TYW1: variants seen among roughly 807,000 people sequenced by gnomAD.
The protein encoded by TYW1 is S-adenosyl-L-methionine-dependent tRNA 4-demethylwyosine synthase TYW1.
TYW1 carries 46 observed loss-of-function variants against 96.2 expected under a neutral mutation model. The ratio of observed to expected loss-of-function variants is 0.48; its 90% confidence interval spans 0.38 to 0.61. The LOEUF is 0.61. Ranked by LOEUF, TYW1 falls within the 20% of genes least tolerant of loss-of-function variation. TYW1 has a pLI of 0.00. For synonymous variants in TYW1, 274 were observed against 323.0 expected, an observed-to-expected ratio of 0.85 and a Z score of 1.63; for missense variants, 684 against 909.6, an observed-to-expected ratio of 0.75 and a Z score of 3.19.
chr7:67,120,960 C>T lies in TYW1; in HGVS notation c.1698+3342C>T, dbSNP rs149548346. Among the ~76,000 whole-genome samples the T allele has an allele frequency of 9.8e-4, 149 of 152,362 alleles. No individual in the cohort carries two copies. The East Asian group carries it at 0.026, about 27-fold the overall frequency. Reference sequence around the variant, plus strand: ...GGAATGTTTCTTTGGGCAATTTAAACTGCCCACACATTAGGGCAATGACTT... The same window carrying T: ...GGAATGTTTCTTTGGGCAATTTAAATTGCCCACACATTAGGGCAATGACTT... On this transcript the variant is annotated intron_variant, in intron 13 of 15. Coordinates refer to ENST00000359626, the MANE Select transcript of TYW1 (RefSeq NM_018264.4).
chr7:67,044,801 G>A (rs536437195), intron 7 of TYW1, among the ~76,000 whole-genome samples: 1 of 151,962 alleles, frequency 6.6e-6, no homozygotes, highest in South Asian at 2.1e-4. Flanking sequence ...TGTATTTTTA[G>A]TAGAGATGGG....
At chr7:67,081,220 CTT>C (rs59852863) in intron 10 of TYW1, among the ~76,000 whole-genome samples, 31 of 120,174 alleles carry the variant, frequency 2.6e-4, no homozygotes, top group Non-Finnish European at 3.7e-4. Flanking sequence ...GCTTGGTGGT[CTT>C]TTTTTTTTTT....
intron 13 of TYW1, among the ~76,000 whole-genome samples, chr7:67,140,517 A>T (rs1350391314): frequency 6.6e-6 from 1 of 152,214 alleles, no homozygotes; most frequent in African/African-American, 2.4e-5. Flanking sequence ...CAATCATTAA[A>T]TAAAGACCTA....
intron 13 of TYW1, among the ~76,000 whole-genome samples, chr7:67,131,846 A>T (rs1288116376): frequency 1.9e-4 from 29 of 152,170 alleles, no homozygotes; most frequent in Admixed American, 4.6e-4. Context: ...AAGCTGAAGA[A>T]CTTGGAGTTT....
At chr7:67,164,707 T>C (rs1799267563) in intron 13 of TYW1, among the ~76,000 whole-genome samples, 1 of 152,050 alleles carries the variant, frequency 6.6e-6, no homozygotes, top group South Asian at 2.1e-4. Flanking sequence ...TCCCTCTCTT[T>C]CTGAGAGTCA....
chr7:67,102,338 T>C (rs1253243241), intron 12 of TYW1, among the ~76,000 whole-genome samples: 1 of 152,216 alleles, frequency 6.6e-6, no homozygotes, highest in Non-Finnish European at 1.5e-5. Context: ...CCTCTCTTGC[T>C]GGTGAGTCTT....
chr7:67,143,559 CAG>C (rs1798514913), intron 13 of TYW1, among the ~76,000 whole-genome samples: 1 of 152,138 alleles, frequency 6.6e-6, no homozygotes, highest in South Asian at 2.1e-4. Context: ...CGGAAGCAGG[CAG>C]AGTTTGGCGA....
intron 13 of TYW1, among the ~76,000 whole-genome samples, chr7:67,149,722 ATATCTATCTATCTATCTATCTATC>A (rs59266321): frequency 6.4e-5 from 9 of 140,236 alleles, no homozygotes; most frequent in East Asian, 6.3e-4. Context: ...AGGAAAAAAA[ATATCTATCTATCTATCTATCTATC>A]TATCTATCTA....
chr7:67,159,799 A>ATTTTATTTTATTTTATTTTAT (rs141173601), intron 13 of TYW1, among the ~76,000 whole-genome samples: 9 of 71,374 alleles, frequency 1.3e-4, no homozygotes, highest in East Asian at 5.6e-4. Flanking sequence ...ATTTTATTTT[A>ATTTTATTTTATTTTATTTTAT]TTTATTTATT....
chr7:67,093,612 G>A (rs2690197), intron 11 of TYW1, among the ~76,000 whole-genome samples: 47,598 of 151,788 alleles, frequency 0.31, 7,957 homozygotes, highest in African/African-American at 0.43. Context: ...TCTTGGCAAC[G>A]TAGAATGAGC....
chr7:67,045,251 C>A (rs1471154582), intron 7 of TYW1, among the ~76,000 whole-genome samples: 2 of 151,796 alleles, frequency 1.3e-5, no homozygotes, highest in Admixed American at 6.6e-5. Context: ...TGCTTTGTAA[C>A]CCATGCTAGA....
intron 7 of TYW1, among the ~76,000 whole-genome samples, chr7:67,043,359 C>CTT (rs35321806): frequency 0.2 from 27,981 of 142,944 alleles, 3,074 homozygotes; most frequent in East Asian, 0.46. Flanking sequence ...CCCATTGCTA[C>CTT]TTTTTTTTTT....
intron 7 of TYW1, among the ~76,000 whole-genome samples, chr7:67,044,482 G>A (rs1312839803): frequency 6.6e-6 from 1 of 152,154 alleles, no homozygotes; most frequent in African/African-American, 2.4e-5. Flanking sequence ...GGAAATAGCT[G>A]TCTGATAGTT....
chr7:67,143,524 G>A (rs776807720), intron 13 of TYW1, among the ~76,000 whole-genome samples: 1 of 152,210 alleles, frequency 6.6e-6, no homozygotes, highest in Non-Finnish European at 1.5e-5. Flanking sequence ...AGCCACCACT[G>A]ATTACTAAAG....
chr7:67,158,082 ATTTT>A (rs560215948), intron 13 of TYW1, among the ~76,000 whole-genome samples: 2 of 102,162 alleles, frequency 2.0e-5, no homozygotes, highest in East Asian at 3.4e-4. Flanking sequence ...TTTGCTGAGG[ATTTT>A]TTTTTTTTTT....
At chr7:67,027,376 TAAAA>T (rs201834388) in intron 7 of TYW1, among the ~76,000 whole-genome samples, 1 of 151,416 alleles carries the variant, frequency 6.6e-6, no homozygotes, top group African/African-American at 2.4e-5. Context: ...CTAGAAGCAA[TAAAA>T]AAAATTAAAT....
chr7:67,028,318 C>A (rs955606092), intron 7 of TYW1, among the ~76,000 whole-genome samples: 1 of 149,612 alleles, frequency 6.7e-6, no homozygotes, highest in Non-Finnish European at 1.5e-5. Context: ...GAGGCCAAGG[C>A]AGGTGGATCA....
At chr7:67,209,333 T>C (rs1331177939) in intron 15 of TYW1, among the ~76,000 whole-genome samples, 1 of 152,228 alleles carries the variant, frequency 6.6e-6, no homozygotes, top group Non-Finnish European at 1.5e-5. Context: ...GTTTCTGGGC[T>C]TTCAGCCTAG....
At chr7:67,151,051 CTTTTTT>C (rs77369502) in intron 13 of TYW1, among the ~76,000 whole-genome samples, 1 of 142,758 alleles carries the variant, frequency 7.0e-6, no homozygotes, top group African/African-American at 2.7e-5. Context: ...TATTCTTCTT[CTTTTTT>C]TTTTTTTTTT....
Sources: allele counts gnomAD v4.1 joint callset (sites outside exome capture counted in the v4.1 genomes callset), GRCh38; gene constraint gnomAD v4.1.1; transcripts MANE v1.5; gene names NCBI Gene and HGNC (gene_info 2026-07-23, HGNC 2026-07-21).